The following EXOC4 variants were observed in gnomAD, a reference collection of about 807,000 sequenced individuals.
EXOC4 encodes the protein SEC8-like 1.
A neutral mutation model predicts 107.2 loss-of-function variants in EXOC4; 71 were observed. The ratio of observed to expected loss-of-function variants is 0.66; its 90% CI spans 0.55 to 0.81. EXOC4 has a LOEUF of 0.81. Among genes scored for constraint, EXOC4 ranks in the 30% least tolerant of loss-of-function variants. EXOC4 has a pLI of 0.00. For synonymous variants in EXOC4, 456 were observed against 441.2 expected, an observed-to-expected ratio of 1.03 and a Z score of -0.42; for missense variants, 1,108 against 1,189.6, an observed-to-expected ratio of 0.93 and a Z score of 1.01.
chr7:133,811,846 C>T (rs915916392), intron 10 of EXOC4, among the ~76,000 whole-genome samples: 1 of 152,090 alleles, frequency 6.6e-6, no homozygotes, highest in Non-Finnish European at 1.5e-5. Context: ...CATTACATGC[C>T]AGATAGATTA....
At chr7:133,332,735 G>T (rs959675542) in intron 5 of EXOC4, among the ~76,000 whole-genome samples, 1 of 152,034 alleles carries the variant, frequency 6.6e-6, no homozygotes, top group Non-Finnish European at 1.5e-5. Flanking sequence ...CCCTCTTTTT[G>T]TTTATTTGTT....
At chr7:133,648,290 C>G (rs556701577) in intron 10 of EXOC4, among the ~76,000 whole-genome samples, 1 of 152,118 alleles carries the variant, frequency 6.6e-6, no homozygotes, top group Non-Finnish European at 1.5e-5. Context: ...GAAAAGAAAA[C>G]TTTTAGCAAC....
intron 10 of EXOC4, among the ~76,000 whole-genome samples, chr7:133,650,946 T>TTG: frequency 1.3e-5 from 1 of 74,614 alleles, no homozygotes; most frequent in South Asian, 3.6e-4. Flanking sequence ...AGTTTTTTTT[T>TTG]TTTTTTTTTT....
chr7:133,420,042 C>T (rs1193119347), intron 7 of EXOC4, among the ~76,000 whole-genome samples: 1 of 145,302 alleles, frequency 6.9e-6, no homozygotes, highest in Non-Finnish European at 1.5e-5. Context: ...CATATGTATA[C>T]ATGTGCCATG....
chr7:133,481,362 C>G (rs961498940), intron 9 of EXOC4, among the ~76,000 whole-genome samples: 1 of 144,098 alleles, frequency 6.9e-6, no homozygotes, highest in Admixed American at 7.1e-5. Flanking sequence ...CTGGGCTTTT[C>G]TCCATGAGGG....
chr7:133,963,184 TAGATCA>T (rs1231618176), intron 14 of EXOC4, among the ~76,000 whole-genome samples: 3 of 152,262 alleles, frequency 2.0e-5, no homozygotes, highest in African/African-American at 7.2e-5. Flanking sequence ...CCCACTTCCC[TAGATCA>T]GGTATCACAG....
chr7:133,833,124 T>C (rs908271914), intron 11 of EXOC4, among the ~76,000 whole-genome samples: 5 of 152,020 alleles, frequency 3.3e-5, no homozygotes, highest in African/African-American at 1.2e-4. Flanking sequence ...CTGTTAAAGC[T>C]CTAGCAAAGA....
chr7:133,511,346 C>CA (rs904894161), intron 9 of EXOC4, among the ~76,000 whole-genome samples: 5 of 151,332 alleles, frequency 3.3e-5, no homozygotes, highest in Admixed American at 1.3e-4. Flanking sequence ...TTTCTAGGGG[C>CA]AAAAAAAATA....
intron 13 of EXOC4, among the ~76,000 whole-genome samples, chr7:133,932,047 ATGCATTTATGCG>A (rs1467696449): frequency 6.6e-6 from 1 of 152,234 alleles, no homozygotes; most frequent in Non-Finnish European, 1.5e-5. Context: ...AGAAGAAACT[ATGCATTTATGCG>A]TTCCTGGATT....
intron 7 of EXOC4, among the ~76,000 whole-genome samples, chr7:133,428,483 T>A (rs1797777427): frequency 6.6e-6 from 1 of 152,208 alleles, no homozygotes; most frequent in South Asian, 2.1e-4. Flanking sequence ...TCAGAACAAA[T>A]GGTAATCACT....
chr7:133,382,829 C>T (rs1796646864), intron 7 of EXOC4, among the ~76,000 whole-genome samples: 1 of 152,096 alleles, frequency 6.6e-6, no homozygotes, highest in South Asian at 2.1e-4. Flanking sequence ...CAGTTTTTTT[C>T]CACTGCAACT....
At chr7:133,998,557 T>G (rs981104363) in intron 15 of EXOC4, among the ~76,000 whole-genome samples, 8 of 152,086 alleles carry the variant, frequency 5.3e-5, no homozygotes, top group African/African-American at 1.9e-4. Flanking sequence ...GCTGATATGC[T>G]TGTAGGCTGA....
intron 2 of EXOC4, among the ~76,000 whole-genome samples, chr7:133,288,198 G>A (rs951464317): frequency 6.6e-6 from 1 of 152,020 alleles, no homozygotes. Context: ...TCAATTAGGG[G>A]AGCAAATAAA....
intron 7 of EXOC4, among the ~76,000 whole-genome samples, chr7:133,451,334 T>C (rs989816475): frequency 1.3e-5 from 2 of 152,142 alleles, no homozygotes; most frequent in Admixed American, 1.3e-4. Flanking sequence ...TGACATTTGT[T>C]CCTCATTTCT....
chr7:133,662,071 G>C (rs1438160929), intron 10 of EXOC4, among the ~76,000 whole-genome samples: 3 of 152,098 alleles, frequency 2.0e-5, no homozygotes, highest in Non-Finnish European at 2.9e-5. Flanking sequence ...ACATTTTACA[G>C]ATGAGGAGGC....
chr7:133,541,944 T>C (rs1800388762), intron 9 of EXOC4, among the ~76,000 whole-genome samples: 1 of 152,068 alleles, frequency 6.6e-6, no homozygotes, highest in Non-Finnish European at 1.5e-5. Context: ...TGAAGTCCCA[T>C]TTGTGGTGGT....
intron 9 of EXOC4, chr7:133,576,432 A>T: frequency 8.7e-7 from 1 of 1,148,090 alleles, no homozygotes; most frequent in Non-Finnish European, 1.1e-6. Context: ...TATGTAGTAT[A>T]TTACTACACT....
chr7:133,908,574 C>T (rs6948217), intron 12 of EXOC4, among the ~76,000 whole-genome samples: 1,603 of 152,336 alleles, frequency 0.011, 28 homozygotes, highest in African/African-American at 0.036. Context: ...GACCACCATC[C>T]AGTTCCCAGC....
At chr7:133,456,268 C>T (rs1638609617) in intron 7 of EXOC4, among the ~76,000 whole-genome samples, 1 of 152,136 alleles carries the variant, frequency 6.6e-6, no homozygotes, top group African/African-American at 2.4e-5. Context: ...CTAGAGAGGT[C>T]ACCATGTGGC....
Sources: gnomAD v4.1 joint callset for allele counts (sites outside exome capture counted in the v4.1 genomes callset) on GRCh38, gnomAD v4.1.1 for gene constraint, MANE v1.5 for transcripts, NCBI Gene and HGNC (gene_info 2026-07-23, HGNC 2026-07-21) for gene names.